Variants in TRIM4 observed in about 807,000 individuals in gnomAD.
The protein encoded by TRIM4 is tripartite motif containing 4.
In TRIM4, 29 loss-of-function variants were observed where a neutral mutation model predicts 33.7. The ratio of observed to expected loss-of-function variants is 0.86; its 90% CI spans 0.64 to 1.17. The LOEUF is 1.17. Ranked by LOEUF, TRIM4 falls within the 50% of genes most tolerant of loss-of-function variation. TRIM4 has a pLI of 0.00. For synonymous variants in TRIM4, 224 were observed against 233.0 expected, an observed-to-expected ratio of 0.96 and a Z score of 0.35; for missense variants, 554 against 593.7, an observed-to-expected ratio of 0.93 and a Z score of 0.69.
chr7:99,919,219 C>A lies in TRIM4; in HGVS notation c.183G>T (p.Leu61=). The A allele has an allele frequency of 6.6e-7, 1 of 1,517,264 alleles. No homozygotes were observed. Among genetic ancestry groups the A allele is most frequent in the East Asian group, 2.6e-5 (1 of 38,406 alleles). The allele number at this position is 1,517,264 out of a possible 1,614,324, so 94.0% of individuals were successfully genotyped here. A position where few individuals can be genotyped will look rare whatever the true frequency, so the allele number is the denominator to read the frequency against. The change falls in exon 1 of 6, where the codon CTG becomes CTT. Residue 61 remains leucine, a synonymous_variant. Transcript: ENST00000349062. The part of the protein sequence containing the change: ...ECRHPSAPAA[L]RPNWALARLT... ...GCCTGGCCAGGGCCCAGTTGGGTCG[C>A]AGCGCGGCGGGCGCCGATGGGTGCC...
At chr7:99,918,968 C>T in intron 1 of TRIM4, 41 bp downstream of exon 1, 1 of 1,559,832 alleles carries the variant, frequency 6.4e-7, no homozygotes, top group Non-Finnish European at 8.6e-7. Flanking sequence ...TATCGGGCAA[C>T]ACTGACAGCC....
At position 99,903,329 on chromosome 7, in the gene TRIM4, G is replaced by C. The variant is rs1239852012; in HGVS notation, c.744-14C>G. On this transcript the variant is annotated splice_polypyrimidine_tract_variant and intron_variant, in intron 4 of 5. Transcript: ENST00000349062. ...TGGATCTCACTCCTAAGAAGGTAGAGAAGACTGCTCTTAGGGGACAACTAG... is the reference window on the plus strand; with the variant it reads ...TGGATCTCACTCCTAAGAAGGTAGACAAGACTGCTCTTAGGGGACAACTAG... The C allele has an allele frequency of 7.5e-6, 12 of 1,591,010 alleles. No individual in the cohort carries two copies. The highest frequency in any genetic ancestry group is 1.7e-4 in the Middle Eastern group (1 of 6,016).
At chr7:99,895,430 C>T (rs574721026) in intron 5 of TRIM4, among the ~76,000 whole-genome samples, 13 of 152,236 alleles carry the variant, frequency 8.5e-5, no homozygotes, top group Non-Finnish European at 1.5e-4. Context: ...TCTGAATGAT[C>T]GGAATCCTTT....
At chr7:99,895,469 T>C (rs1452837054) in intron 5 of TRIM4, among the ~76,000 whole-genome samples, 1 of 152,220 alleles carries the variant, frequency 6.6e-6, no homozygotes, top group Non-Finnish European at 1.5e-5. Flanking sequence ...ACAGCCAGCT[T>C]AGTCTATCTT....
chr7:99,907,504 G>A lies in TRIM4; in HGVS notation c.720+1078C>T, dbSNP rs549147403. 5.9e-5 allele frequency among the ~76,000 whole-genome samples: 9 copies of A among 152,236 alleles called. No individual in the cohort carries two copies. In the South Asian group the frequency reaches 8.3e-4, roughly 14 times the overall value. ...ATTCTGCTGGCTCACATGTATCTTCGAGGTTTCAGATTCTAATTAGATGTT... is the reference window on the plus strand; with the variant it reads ...ATTCTGCTGGCTCACATGTATCTTCAAGGTTTCAGATTCTAATTAGATGTT... On this transcript the variant is annotated intron_variant, in intron 3 of 5. Transcript: ENST00000349062.
intron 3 of TRIM4, 92 bp from the exon 4 acceptor site, chr7:99,903,690 A>T (rs2572003): frequency 0.58 from 858,295 of 1,472,292 alleles, 255,483 homozygotes; most frequent in African/African-American, 0.86. Context: ...TGACGGTTGC[A>T]TTTGCTCATG....
At chr7:99,909,286 G>A (rs962564788) in intron 2 of TRIM4, among the ~76,000 whole-genome samples, 1 of 151,970 alleles carries the variant, frequency 6.6e-6, no homozygotes, top group Admixed American at 6.6e-5. Context: ...TAGAGACATG[G>A]GGATGAAGTA....
chr7:99,903,476 G>T, intron 4 of TRIM4, 100 bp downstream of exon 4: 1 of 1,505,106 alleles, frequency 6.6e-7, no homozygotes, highest in Non-Finnish European at 9.2e-7. Flanking sequence ...ATTAGGGTGT[G>T]CCCAGACTGA....
Position 99,905,788 on chromosome 7 carries a change from C to T in TRIM4, c.721-2190G>A, listed in dbSNP as rs1202625800. On this transcript the variant is annotated intron_variant, in intron 3 of 5. Coordinates refer to ENST00000349062, the MANE Select transcript of TRIM4 (RefSeq NM_033091.3). ...CTACTGCATGGATTCATCTCACAAA[C>T]GTAATGTGAGCAAAAGAAGCCAGTA... Among the ~76,000 whole-genome samples the T allele has an allele frequency of 3.9e-5, 6 of 152,186 alleles. No individual in the cohort carries two copies. The South Asian group carries it at 8.3e-4, about 21-fold the overall frequency.
At chr7:99,914,260 T>C (rs1437258534) in intron 1 of TRIM4, among the ~76,000 whole-genome samples, 2 of 152,168 alleles carry the variant, frequency 1.3e-5, no homozygotes, top group Non-Finnish European at 2.9e-5. Flanking sequence ...TGAGTGCAAG[T>C]GATCCTCTAG....
In TRIM4 at chr7:99,898,400, C is replaced by G. The variant is rs183263774; in HGVS notation, c.841+4818G>C. Among the ~76,000 whole-genome samples, 30 of 152,320 alleles carry G rather than the reference C, an allele frequency of 2.0e-4. 1 individual carries two copies. The highest frequency in any genetic ancestry group is 1.6e-3 in the Admixed American group (25 of 15,298). Reference sequence around the variant, plus strand: ...AATGCAACCAATCCCTTCAAATAGCCAATAATATGTGGCTAGGGTGGCACA... The same window carrying G: ...AATGCAACCAATCCCTTCAAATAGCGAATAATATGTGGCTAGGGTGGCACA... On this transcript the variant is annotated intron_variant, in intron 5 of 5. Coordinates refer to ENST00000349062, the MANE Select transcript of TRIM4 (RefSeq NM_033091.3).
chr7:99,903,154 T>C, intron 5 of TRIM4, 64 bp downstream of exon 5: 1 of 1,248,350 alleles, frequency 8.0e-7, no homozygotes, highest in East Asian at 2.3e-5. Context: ...TCTCCAGACT[T>C]CTCTCTTTAT....
intron 5 of TRIM4, among the ~76,000 whole-genome samples, chr7:99,900,600 G>A (rs890759032): frequency 2.0e-5 from 3 of 152,114 alleles, no homozygotes; most frequent in African/African-American, 7.2e-5. Flanking sequence ...CTGTCTGAAG[G>A]ACTTCCTTTA....
intron 5 of TRIM4, among the ~76,000 whole-genome samples, chr7:99,900,282 CT>C (rs951640941): frequency 2.0e-5 from 3 of 151,880 alleles, no homozygotes; most frequent in Admixed American, 6.6e-5. Context: ...AAGGTCAAGC[CT>C]TTTTTTTCTA....
intron 2 of TRIM4, among the ~76,000 whole-genome samples, chr7:99,909,177 TTCA>T (rs1036918803): frequency 9.9e-5 from 15 of 151,888 alleles, no homozygotes; most frequent in African/African-American, 3.4e-4. Context: ...TGTGCATCCA[TTCA>T]TCTGTTTCTT....
intron 1 of TRIM4, among the ~76,000 whole-genome samples, chr7:99,913,235 TA>T (rs1401979789): frequency 6.6e-6 from 1 of 152,230 alleles, no homozygotes; most frequent in East Asian, 1.9e-4. Flanking sequence ...AGTTGGAATC[TA>T]AACTGGGAGG....
intron 3 of TRIM4, among the ~76,000 whole-genome samples, chr7:99,905,202 T>C (rs1819271049): frequency 6.6e-6 from 1 of 152,122 alleles, no homozygotes; most frequent in Non-Finnish European, 1.5e-5. Flanking sequence ...CTGACAAATC[T>C]AAGTATTGGT....
intron 1 of TRIM4, among the ~76,000 whole-genome samples, chr7:99,911,028 T>C (rs79915538): frequency 0.065 from 9,956 of 152,168 alleles, 353 homozygotes; most frequent in Middle Eastern, 0.075. Context: ...AGAAGAGCAG[T>C]GTGTAAATGG....
chr7:99,903,390 T>C, intron 4 of TRIM4, 75 bp from the exon 5 acceptor site: 1 of 1,385,594 alleles, frequency 7.2e-7, no homozygotes, highest in Non-Finnish European at 1.0e-6. Context: ...CAAAGGTTCT[T>C]AGCCCAAAGT....
Sources: allele counts gnomAD v4.1 joint callset (sites outside exome capture counted in the v4.1 genomes callset), GRCh38; gene constraint gnomAD v4.1.1; transcripts MANE v1.5; gene names NCBI Gene and HGNC (gene_info 2026-07-23, HGNC 2026-07-21).